The following GARIN5B variants were observed in gnomAD, a reference collection of about 807,000 sequenced individuals.
GARIN5B encodes Golgi-associated RAB2 interactor protein 5B.
At chr19:55,363,046 C>T in the GARIN5B span, 1 of 1,497,570 alleles carries the variant, frequency 6.7e-7, no homozygotes, top group South Asian at 1.3e-5. This position sits in a 1 kb window ranked among gnomAD's most constrained non-coding sequence, Gnocchi z 4.0. Context: ...CAAGGCACCT[C>T]CTGTTTCGAA....
the GARIN5B span, chr19:55,361,082 A>T: frequency 6.4e-7 from 1 of 1,551,254 alleles, no homozygotes; most frequent in South Asian, 1.2e-5. Context: ...ACGGCCTGAG[A>T]CTTGAAACTG....
At chr19:55,359,650 A>G in the GARIN5B span, 1 of 1,550,706 alleles carries the variant, frequency 6.4e-7, no homozygotes, top group Non-Finnish European at 8.7e-7. Context: ...AAGATGTGAC[A>G]AGGCCAGATG....
chr19:55,359,129 C>T, the GARIN5B span: 7 of 1,551,100 alleles, frequency 4.5e-6, no homozygotes, highest in African/African-American at 9.6e-5. Context: ...TCCAGACTGG[C>T]TTCTCTCCAG....
the GARIN5B span, chr19:55,360,573 C>T: frequency 8.0e-7 from 1 of 1,251,070 alleles, no homozygotes; most frequent in Non-Finnish European, 1.1e-6. Flanking sequence ...CCCACCCCTC[C>T]TCCCTCAGAC....
chr19:55,358,295 A>G, the GARIN5B span: 163 of 1,549,586 alleles, frequency 1.1e-4, 1 homozygote, highest in African/African-American at 2.0e-3. Context: ...TGGCATCCTC[A>G]TGGGCTCCTG....
chr19:55,355,309 C>G, the GARIN5B span: 17 of 1,549,998 alleles, frequency 1.1e-5, no homozygotes, highest in Non-Finnish European at 1.5e-5. Flanking sequence ...GTTAAGCCCC[C>G]GCATCCGGCC....
chr19:55,355,124 T>C, the GARIN5B span: 1 of 409,634 alleles, frequency 2.4e-6, no homozygotes, highest in Non-Finnish European at 4.6e-6. Flanking sequence ...AGAGCAGCGG[T>C]GGGGTCCGGG....
the GARIN5B span, chr19:55,362,147 C>T: frequency 1.4e-5 from 19 of 1,400,026 alleles, no homozygotes; most frequent in South Asian, 1.7e-4. Flanking sequence ...TCCAGGCCCC[C>T]GGCCTAGACT....
chr19:55,361,120 A>G, the GARIN5B span: 2 of 1,551,292 alleles, frequency 1.3e-6, no homozygotes, highest in East Asian at 4.9e-5. Flanking sequence ...TGGGTGAGGA[A>G]GGGACGGTTA....
chr19:55,359,822 T>G, the GARIN5B span: 1 of 1,551,138 alleles, frequency 6.4e-7, no homozygotes, highest in Non-Finnish European at 8.7e-7. Context: ...GCCCCCAGAG[T>G]CCATGAGGTC....
At chr19:55,358,168 C>T in the GARIN5B span, 5 of 1,506,250 alleles carry the variant, frequency 3.3e-6, no homozygotes, top group East Asian at 2.5e-5. Context: ...TCAAGACGCC[C>T]GATTCCTCCT....
the GARIN5B span, among the ~76,000 whole-genome samples, chr19:55,360,419 GCT>G: frequency 8.2e-6 from 1 of 121,782 alleles, no homozygotes; most frequent in Non-Finnish European, 1.7e-5. Flanking sequence ...CCAGGCCCCA[GCT>G]CCTCCTCCCT....
At chr19:55,359,657 G>C in the GARIN5B span, 11 of 1,550,898 alleles carry the variant, frequency 7.1e-6, no homozygotes, top group Admixed American at 2.2e-4. Context: ...GACAAGGCCA[G>C]ATGGGGCCTT....
the GARIN5B span, chr19:55,359,465 G>A: frequency 6.5e-7 from 1 of 1,546,786 alleles, no homozygotes; most frequent in South Asian, 1.2e-5. Context: ...CTTCTGGGAT[G>A]GAGCAGGTAC....
chr19:55,358,848 T>C, the GARIN5B span: 2 of 1,547,508 alleles, frequency 1.3e-6, no homozygotes, highest in Non-Finnish European at 8.7e-7. Flanking sequence ...TCCTTGGCCT[T>C]GACCCATCTC....
At chr19:55,361,886 CCAGGGCCCTTAGCTCCTCCGT>C in the GARIN5B span, among the ~76,000 whole-genome samples, 1 of 124,468 alleles carries the variant, frequency 8.0e-6, no homozygotes, top group African/African-American at 2.8e-5. Flanking sequence ...ACCCAGGAGT[CCAGGGCCCTTAGCTCCTCCGT>C]CAGACCCAGG....
the GARIN5B span, among the ~76,000 whole-genome samples, chr19:55,361,823 C>T: frequency 8.2e-6 from 1 of 122,698 alleles, no homozygotes; most frequent in Admixed American, 8.5e-5. Flanking sequence ...AGTCCCCCAG[C>T]CCCTCCTCCC....
At chr19:55,359,198 C>A in the GARIN5B span, 2 of 1,551,440 alleles carry the variant, frequency 1.3e-6, no homozygotes, top group Non-Finnish European at 1.7e-6. Flanking sequence ...GAGCTTCCCC[C>A]GTGAGGCAGG....
the GARIN5B span, among the ~76,000 whole-genome samples, chr19:55,361,886 C>T: frequency 1.6e-5 from 2 of 124,470 alleles, no homozygotes; most frequent in Non-Finnish European, 3.5e-5. Context: ...ACCCAGGAGT[C>T]CAGGGCCCTT....
Sources: allele counts gnomAD v4.1 joint callset (sites outside exome capture counted in the v4.1 genomes callset), GRCh38; gene constraint gnomAD v4.1.1; non-coding constraint Gnocchi (gnomAD v3.1); transcripts MANE v1.5; gene names NCBI Gene and HGNC (gene_info 2026-07-23, HGNC 2026-07-21).